The following TDRD12 variants were observed in gnomAD, a reference collection of about 807,000 sequenced individuals.
TDRD12 encodes tudor domain containing 12.
In TDRD12, 158 loss-of-function variants were observed where a neutral mutation model predicts 133.5. The ratio of observed to expected loss-of-function variants is 1.18; its 90% CI spans 1.04 to 1.35. TDRD12 has a LOEUF of 1.35. TDRD12 is among the 40% of genes most tolerant of loss of function. The pLI is 0.00. For synonymous variants in TDRD12, 460 were observed against 477.9 expected (o/e 0.96, Z 0.49); for missense variants, 1,443 against 1,321.3 (o/e 1.09, Z -1.43).
chr19:32,721,960 C>T (rs1417360405), intron 1 of TDRD12, among the ~76,000 whole-genome samples: 1 of 151,628 alleles, frequency 6.6e-6, no homozygotes, highest in East Asian at 1.9e-4. Flanking sequence ...TCGTGATCCA[C>T]CCGCCTCGGC....
At chr19:32,791,010 A>G in exon 13 of TDRD12, 1 of 1,536,212 alleles carries the variant, frequency 6.5e-7, no homozygotes, top group South Asian at 1.2e-5. Flanking sequence ...GTGCTCCGGA[A>G]CAAGATCAAG....
chr19:32,803,207 C>A, intron 21 of TDRD12, 65 bp downstream of exon 21: 1 of 1,217,300 alleles, frequency 8.2e-7, no homozygotes, highest in Non-Finnish European at 1.1e-6. Flanking sequence ...ACAGCTGTTG[C>A]AATGTGGTGA....
In TDRD12 at chr19:32,756,399, T is replaced by C. The variant is rs534216612; in HGVS notation, c.772+218T>C. ...AAAAAACTGCCCTCGATTTCTGTTT[T>C]TTTTTTGAGACGGAGTCTCGGTCTG... On this transcript the variant is annotated intron_variant, in intron 7 of 27. Transcript: ENST00000444215. Among the ~76,000 whole-genome samples, 311 of 152,206 alleles carry C rather than the reference T, an allele frequency of 2.0e-3. 2 individuals are homozygous for C. Among genetic ancestry groups the C allele is most frequent in the African/African-American group, 7.2e-3 (301 of 41,550 alleles).
intron 11 of TDRD12, among the ~76,000 whole-genome samples, chr19:32,783,638 C>A (rs1970829058): frequency 6.6e-6 from 1 of 152,088 alleles, no homozygotes; most frequent in African/African-American, 2.4e-5. Flanking sequence ...CTCTTATTTT[C>A]TTGAGCAGTG....
intron 4 of TDRD12, among the ~76,000 whole-genome samples, chr19:32,747,124 G>T (rs1458118101): frequency 1.3e-5 from 2 of 152,034 alleles, no homozygotes; most frequent in African/African-American, 4.8e-5. Context: ...GAGAGAGGGG[G>T]AGAGAGACTG....
intron 6 of TDRD12, among the ~76,000 whole-genome samples, chr19:32,753,895 C>T (rs1044426102): frequency 2.6e-5 from 4 of 152,072 alleles, no homozygotes; most frequent in Non-Finnish European, 5.9e-5. Flanking sequence ...TTGATTCATC[C>T]ATGTATTCAC....
intron 11 of TDRD12, among the ~76,000 whole-genome samples, chr19:32,781,242 A>G (rs1970757311): frequency 6.6e-6 from 1 of 152,054 alleles, no homozygotes; most frequent in Non-Finnish European, 1.5e-5. Flanking sequence ...GCGCTCGGCC[A>G]TTTTTAATCT....
exon 23 of TDRD12, chr19:32,810,155 G>A (rs1966950802): frequency 6.5e-7 from 1 of 1,534,778 alleles, no homozygotes; most frequent in South Asian, 1.2e-5. Flanking sequence ...ATAAACACAT[G>A]GATCTTTATG....
At chr19:32,745,544 T>C (rs1251757119) in intron 4 of TDRD12, among the ~76,000 whole-genome samples, 1 of 152,226 alleles carries the variant, frequency 6.6e-6, no homozygotes, top group African/African-American at 2.4e-5. Context: ...TTCTGCTTGT[T>C]TGCTCAGTAA....
At chr19:32,802,146 TTATC>T in intron 19 of TDRD12, among the ~76,000 whole-genome samples, 1 of 142,836 alleles carries the variant, frequency 7.0e-6, no homozygotes, top group South Asian at 2.1e-4. Flanking sequence ...ATGATATATA[TTATC>T]ATATATATAT....
rs953495883 is a variant in TDRD12, at chr19:32,798,436, G to A, written c.1758+1G>A. On this transcript the variant is annotated splice_donor_variant, in intron 16 of 27. Coordinates refer to ENST00000444215, the Ensembl canonical transcript of TDRD12. LOFTEE classifies it high-confidence loss of function. Reference sequence around the variant, plus strand: ...GCTATTCTTGGAAGCCAATGAACAGGTGAGCGTGGCTTAAGGTCCTCAGCA... The same window carrying A: ...GCTATTCTTGGAAGCCAATGAACAGATGAGCGTGGCTTAAGGTCCTCAGCA... The A allele has an allele frequency of 2.0e-6, 3 of 1,532,088 alleles. No individual in the cohort carries two copies. The highest frequency in any genetic ancestry group is 1.2e-5 in the South Asian group (1 of 83,934). The allele number at this position is 1,532,088 out of a possible 1,614,324, so 94.9% of individuals were successfully genotyped here. A position where few individuals can be genotyped will look rare whatever the true frequency, so the allele number is the denominator to read the frequency against.
intron 21 of TDRD12, among the ~76,000 whole-genome samples, chr19:32,806,114 T>A (rs767535114): frequency 2.0e-5 from 3 of 152,130 alleles, no homozygotes; most frequent in Non-Finnish European, 2.9e-5. Context: ...ATTGTGTTGA[T>A]CAGCTTGGAG....
chr19:32,786,261 C>T (rs562487069), intron 11 of TDRD12, among the ~76,000 whole-genome samples: 1 of 152,282 alleles, frequency 6.6e-6, no homozygotes, highest in South Asian at 2.1e-4. Flanking sequence ...GGCCCCCACT[C>T]TCTTCTGGCT....
intron 8 of TDRD12, among the ~76,000 whole-genome samples, chr19:32,761,848 G>A (rs1970159753): frequency 6.6e-6 from 1 of 151,464 alleles, no homozygotes; most frequent in Non-Finnish European, 1.5e-5. Flanking sequence ...ACCATGCCTG[G>A]CTAATTTTTG....
intron 18 of TDRD12, among the ~76,000 whole-genome samples, 193 bp downstream of exon 18, chr19:32,800,965 G>A (rs2145696543): frequency 6.6e-6 from 1 of 151,546 alleles, no homozygotes; most frequent in South Asian, 2.1e-4. Flanking sequence ...GAGGAGCCAG[G>A]TGCGGGGGCA....
Position 32,772,126 on chromosome 19 carries a change from G to A in TDRD12, c.866-627G>A, listed in dbSNP as rs77940318. 5.1e-4 allele frequency among the ~76,000 whole-genome samples: 77 copies of A among 152,284 alleles called. No individual in the cohort carries two copies. The East Asian group carries it at 0.014, about 27-fold the overall frequency. Reference sequence around the variant, plus strand: ...AGACGTGAGGGCTGGCATTAACTAAGTGGGGGCAGTGATCTGAGGACTCAG... The same window carrying A: ...AGACGTGAGGGCTGGCATTAACTAAATGGGGGCAGTGATCTGAGGACTCAG... On this transcript the variant is annotated intron_variant, in intron 8 of 27. Transcript: ENST00000444215.
At chr19:32,765,817 C>A (rs958028666) in intron 8 of TDRD12, among the ~76,000 whole-genome samples, 8 of 150,064 alleles carry the variant, frequency 5.3e-5, no homozygotes, top group African/African-American at 2.0e-4. Context: ...TGCAGCACAC[C>A]AACATGGCAC....
intron 24 of TDRD12, 129 bp from the exon 25 acceptor site, chr19:32,813,555 C>T (rs1967077903): frequency 5.0e-6 from 3 of 598,318 alleles, no homozygotes; most frequent in South Asian, 4.0e-5. Flanking sequence ...GTGATGACCT[C>T]TGTGATCTCA....
intron 6 of TDRD12, among the ~76,000 whole-genome samples, chr19:32,752,933 C>T (rs928935862): frequency 1.3e-5 from 2 of 151,848 alleles, no homozygotes; most frequent in South Asian, 4.2e-4. Context: ...GCTGGGACTA[C>T]AGGCACCCGC....
Sources: gnomAD v4.1 joint callset for allele counts (sites outside exome capture counted in the v4.1 genomes callset) on GRCh38, gnomAD v4.1.1 for gene constraint, MANE v1.5 for transcripts, NCBI Gene and HGNC (gene_info 2026-07-23, HGNC 2026-07-21) for gene names.